Variants in KAT2B observed in about 807,000 individuals in gnomAD.
The protein encoded by KAT2B is lysine acetyltransferase 2B, also known as histone acetyltransferase KAT2B.
KAT2B carries 36 observed loss-of-function variants against 105.9 expected under a neutral mutation model. The ratio of observed to expected loss-of-function variants is 0.34; its 90% confidence interval spans 0.26 to 0.45. KAT2B has a LOEUF of 0.45. Ranked by LOEUF, KAT2B falls within the 20% of genes least tolerant of loss-of-function variation. The probability of loss-of-function intolerance (pLI) is 1.00; values close to 1 mark genes in which losing one functional copy is unlikely to be tolerated. For synonymous variants in KAT2B, 397 were observed against 377.9 expected (o/e 1.05, Z -0.59); for missense variants, 820 against 1,021.6 (o/e 0.80, Z 2.69).
chr3:20,092,561 T>C (rs1698740934), intron 2 of KAT2B, among the ~76,000 whole-genome samples: 1 of 150,968 alleles, frequency 6.6e-6, no homozygotes, highest in Non-Finnish European at 1.5e-5. Flanking sequence ...TATATTATAT[T>C]ATATATATAT....
chr3:20,059,645 C>T (rs12638247), intron 1 of KAT2B, among the ~76,000 whole-genome samples: 34,358 of 151,748 alleles, frequency 0.23, 4,065 homozygotes, highest in East Asian at 0.43. Flanking sequence ...GTGGAGCTTG[C>T]GGTGAGCCGA....
intron 1 of KAT2B, among the ~76,000 whole-genome samples, chr3:20,058,246 T>C (rs920876079): frequency 1.3e-5 from 2 of 151,966 alleles, no homozygotes; most frequent in Non-Finnish European, 2.9e-5. Flanking sequence ...TCACCTGAGG[T>C]CAGGAGTTCA....
intron 15 of KAT2B, 54 bp downstream of exon 15, chr3:20,148,053 C>T: frequency 6.4e-7 from 1 of 1,561,238 alleles, no homozygotes; most frequent in South Asian, 1.2e-5. Context: ...TTTTTCCCCA[C>T]CAAGCAACTT....
intron 3 of KAT2B, among the ~76,000 whole-genome samples, chr3:20,098,344 T>C (rs1034666302): frequency 5.3e-5 from 8 of 152,150 alleles, no homozygotes; most frequent in Non-Finnish European, 8.8e-5. Flanking sequence ...GGAGTCTAAC[T>C]ACCTGGGTTT....
chr3:20,118,286 AAAT>A (rs1313348218), intron 7 of KAT2B, among the ~76,000 whole-genome samples: 1 of 146,124 alleles, frequency 6.8e-6, no homozygotes, highest in Non-Finnish European at 1.5e-5. Flanking sequence ...ATATATAAAT[AAAT>A]AATTATTTAT....
chr3:20,148,142 G>A, intron 15 of KAT2B, 101 bp from the exon 16 acceptor site: 1 of 1,359,362 alleles, frequency 7.4e-7, no homozygotes, highest in Middle Eastern at 1.8e-4. Flanking sequence ...TTCTGGAATG[G>A]TTCCAATTTC....
At chr3:20,044,653 A>G (rs1257812140) in intron 1 of KAT2B, among the ~76,000 whole-genome samples, 1 of 152,108 alleles carries the variant, frequency 6.6e-6, no homozygotes, top group African/African-American at 2.4e-5. Context: ...TCTTCTTTCC[A>G]CATTTTAAAA....
At chr3:20,040,823 C>A (rs760140894) in intron 1 of KAT2B, 43 bp downstream of exon 1, 2 of 1,532,854 alleles carry the variant, frequency 1.3e-6, no homozygotes, top group South Asian at 1.2e-5. Context: ...GTGCTAGGGG[C>A]CCAGCCCGCG....
intron 1 of KAT2B, among the ~76,000 whole-genome samples, chr3:20,062,025 C>CAT (rs373975643): frequency 0.032 from 1,177 of 36,864 alleles, 54 homozygotes; most frequent in Non-Finnish European, 0.038. Flanking sequence ...ATATATAAAA[C>CAT]ATAATATATA....
chr3:20,094,500 C>T (rs764088579), intron 2 of KAT2B, among the ~76,000 whole-genome samples: 7 of 152,060 alleles, frequency 4.6e-5, no homozygotes, highest in South Asian at 2.1e-4. Flanking sequence ...TAATACCGAC[C>T]GCATGGGATT....
chr3:20,091,860 A>G (rs1698724372), intron 2 of KAT2B, among the ~76,000 whole-genome samples: 1 of 152,156 alleles, frequency 6.6e-6, no homozygotes, highest in Non-Finnish European at 1.5e-5. Context: ...GGTTTTTGCC[A>G]TTGAAAGGAA....
chr3:20,131,029 T>C (rs1483058613), intron 11 of KAT2B, among the ~76,000 whole-genome samples: 1 of 146,720 alleles, frequency 6.8e-6, no homozygotes, highest in African/African-American at 2.6e-5. Context: ...TTTTTTTTTT[T>C]TTTGAGACGG....
Position 20,072,277 on chromosome 3 carries a change from A to G in KAT2B, c.304-56A>G, listed in dbSNP as rs966118993. On this transcript the variant is annotated intron_variant, in intron 1 of 17. Coordinates refer to ENST00000263754, the MANE Select transcript of KAT2B (RefSeq NM_003884.5). ...GTGTACATTGTTCTCATGTAAAACCATCAGTCCACGGCTGCCTGTTAAATA... is the reference window on the plus strand; with the variant it reads ...GTGTACATTGTTCTCATGTAAAACCGTCAGTCCACGGCTGCCTGTTAAATA... 2.5e-6 allele frequency: 4 copies of G among 1,574,606 alleles called. No homozygotes were observed. In the African/African-American group the frequency reaches 4.1e-5, roughly 16 times the overall value.
chr3:20,111,574 T>G, intron 5 of KAT2B, 22 bp from the exon 6 acceptor site: 1 of 1,592,978 alleles, frequency 6.3e-7, no homozygotes, highest in South Asian at 1.1e-5. Flanking sequence ...ATATTGATGG[T>G]GCTTGACTTC....
intron 1 of KAT2B, among the ~76,000 whole-genome samples, chr3:20,060,165 G>T (rs1325989561): frequency 6.6e-6 from 1 of 152,180 alleles, no homozygotes; most frequent in Non-Finnish European, 1.5e-5. Context: ...CTGCCTTTTG[G>T]CTATCATGAA....
chr3:20,106,268 A>G (rs972393326), intron 5 of KAT2B, among the ~76,000 whole-genome samples: 6 of 152,260 alleles, frequency 3.9e-5, no homozygotes, highest in Non-Finnish European at 8.8e-5. Flanking sequence ...AAATGAACGA[A>G]CTATCATTTT....
At chr3:20,066,097 G>A (rs2125176858) in intron 1 of KAT2B, among the ~76,000 whole-genome samples, 1 of 152,226 alleles carries the variant, frequency 6.6e-6, no homozygotes, top group African/African-American at 2.4e-5. Context: ...CTGTAGGGAA[G>A]AATCTTTCCT....
At position 20,119,729 on chromosome 3, in the gene KAT2B, C is replaced by T. The variant is rs1361449449; in HGVS notation, c.1276+6C>T. On this transcript the variant is annotated splice_donor_region_variant and intron_variant, in intron 8 of 17. Transcript: ENST00000263754. Reference sequence around the variant, plus strand: ...TGGACTTGAGGCAAACCCAGGTAAGCTCTTAAGAGGGGATAAGAGAGGGCT... The same window carrying T: ...TGGACTTGAGGCAAACCCAGGTAAGTTCTTAAGAGGGGATAAGAGAGGGCT... The T allele has an allele frequency of 1.2e-6, 2 of 1,613,944 alleles. No homozygotes were observed. Among genetic ancestry groups the T allele is most frequent in the South Asian group, 2.2e-5 (2 of 91,070 alleles).
Position 20,152,417 on chromosome 3 carries a change from C to G in KAT2B, c.2391C>G (p.Thr797=). 1 of 1,612,216 alleles carries G rather than the reference C, an allele frequency of 6.2e-7. No individual in the cohort carries two copies. Among genetic ancestry groups the G allele is most frequent in the East Asian group, 2.2e-5 (1 of 44,834 alleles). The part of the protein sequence containing the change: ...LFMADLQRVF[T]NCKEYNPPES... ...TGGCAGACTTACAGCGAGTCTTTAC[C>G]AATTGCAAAGAGTACAACCCCCCTG... Residue 797 remains threonine (T), a synonymous_variant, in exon 18 of 18, where the codon ACC becomes ACG. Coordinates refer to ENST00000263754, the MANE Select transcript of KAT2B (RefSeq NM_003884.5).
Sources: allele counts gnomAD v4.1 joint callset (sites outside exome capture counted in the v4.1 genomes callset), GRCh38; gene constraint gnomAD v4.1.1; transcripts MANE v1.5; gene names NCBI Gene and HGNC (gene_info 2026-07-23, HGNC 2026-07-21).